The following PLEKHG1 variants were observed in gnomAD, a reference collection of about 807,000 sequenced individuals.
PLEKHG1 encodes the protein pleckstrin homology domain-containing family G member 1.
PLEKHG1 carries 44 observed loss-of-function variants against 100.8 expected under a neutral mutation model. The observed-to-expected ratio is 0.44, with a 90% CI of 0.34 to 0.56. The LOEUF is 0.56. Among genes scored for constraint, PLEKHG1 ranks in the 20% least tolerant of loss-of-function variants. The probability of loss-of-function intolerance (pLI) is 0.01; values close to 1 mark genes in which losing one functional copy is unlikely to be tolerated. For missense variants in PLEKHG1, 1,545 were observed against 1,720.9 expected, an observed-to-expected ratio of 0.90 and a Z score of 1.81; for synonymous variants, 640 against 662.5, an observed-to-expected ratio of 0.97 and a Z score of 0.52.
At chr6:150,639,583 G>A (rs1778163493) in intron 2 of PLEKHG1, among the ~76,000 whole-genome samples, 2 of 151,088 alleles carry the variant, frequency 1.3e-5, no homozygotes, top group South Asian at 4.2e-4. Context: ...TTTGCAGTTA[G>A]TATTTCAATG....
intron 8 of PLEKHG1, 46 bp from the exon 10 acceptor site, chr6:150,809,335 G>A (rs746661325): frequency 3.0e-5 from 48 of 1,610,922 alleles, no homozygotes; most frequent in Non-Finnish European, 3.9e-5. Flanking sequence ...CCCCAGTTCT[G>A]TTCCCTCCTG....
chr6:150,744,546 A>G (rs570049707), intron 2 of PLEKHG1, among the ~76,000 whole-genome samples: 2 of 152,218 alleles, frequency 1.3e-5, no homozygotes, highest in Non-Finnish European at 1.5e-5. Context: ...ATGCTTTTCC[A>G]TAAGAAATTG....
At chr6:150,799,902 C>T (rs1032213026) in intron 5 of PLEKHG1, among the ~76,000 whole-genome samples, 23 of 152,152 alleles carry the variant, frequency 1.5e-4, no homozygotes, top group African/African-American at 5.3e-4. Flanking sequence ...AATTTACACG[C>T]GTGTGACTGC....
intron 1 of PLEKHG1, among the ~76,000 whole-genome samples, chr6:150,617,906 C>G (rs9478771): frequency 0.1 from 15,944 of 152,160 alleles, 835 homozygotes; most frequent in African/African-American, 0.12. Flanking sequence ...CACAGGAGCA[C>G]TGGAAAGCTT....
intron 14 of PLEKHG1, chr6:150,827,574 C>T: frequency 1.5e-6 from 1 of 661,962 alleles, no homozygotes; most frequent in South Asian, 1.7e-5. Context: ...CTGTGCCTGG[C>T]CAAAACTGCT....
rs1476729917 is a variant in PLEKHG1 at position 150,831,363 on chromosome 6, C to T, written c.2252C>T (p.Pro751Leu). Reference sequence around the variant, plus strand: ...GACACCATAGGGCTCCCAGATCCTCCGTCGCTGGGTTTTAAGTGCAGCAGC... The same window carrying T: ...GACACCATAGGGCTCCCAGATCCTCTGTCGCTGGGTTTTAAGTGCAGCAGC... Residue 751 changes from proline to leucine, a missense_variant, in exon 15 of 16, where the codon CCG (proline) becomes CTG (leucine). Pro to Leu is a moderately conservative substitution (Grantham distance 98). Coordinates refer to ENST00000358517, the Ensembl canonical transcript of PLEKHG1. The surrounding 1 kb of genome is among the most constrained non-coding windows in gnomAD (Gnocchi z 4.1). The T allele has an allele frequency of 9.9e-6, 16 of 1,613,946 alleles. No homozygotes were observed. Among genetic ancestry groups the T allele is most frequent in the Admixed American group, 3.3e-5 (2 of 60,002 alleles).
intron 3 of PLEKHG1, among the ~76,000 whole-genome samples, chr6:150,697,108 A>AAG (rs1554260991): frequency 1.4e-5 from 2 of 147,230 alleles, no homozygotes; most frequent in Non-Finnish European, 3.0e-5. Context: ...AGAAAAAAAA[A>AAG]AAGAAGAAGA....
intron 3 of PLEKHG1, among the ~76,000 whole-genome samples, chr6:150,654,667 G>A (rs529567821): frequency 3.3e-5 from 5 of 152,344 alleles, no homozygotes; most frequent in East Asian, 1.9e-4. Context: ...AAACAACACC[G>A]CTCAGCCCTT....
At chr6:150,640,034 T>C (rs1778186920) in intron 2 of PLEKHG1, among the ~76,000 whole-genome samples, 1 of 152,262 alleles carries the variant, frequency 6.6e-6, no homozygotes, top group Non-Finnish European at 1.5e-5. Context: ...AGCTCCTTAA[T>C]AGCAGATCTT....
exon 15 of PLEKHG1, chr6:150,830,603 C>A: frequency 1.2e-6 from 2 of 1,602,876 alleles, no homozygotes; most frequent in Non-Finnish European, 1.7e-6. Flanking sequence ...GGAAGGATCT[C>A]CCCAGCTGTC....
At chr6:150,786,313 A>G in intron 3 of PLEKHG1, 77 bp from the exon 5 acceptor site, 1 of 951,508 alleles carries the variant, frequency 1.1e-6, no homozygotes, top group Non-Finnish European at 1.7e-6. Context: ...GGAAATGTTT[A>G]AACTTTTAAA....
rs549897529 is a variant in PLEKHG1, at chr6:150,683,990, G to A, written c.-99+33204G>A. 7.3e-4 allele frequency: 271 copies of A among 371,870 alleles called. No individual in the cohort carries two copies. Among genetic ancestry groups the A allele is most frequent in the South Asian group, 1.3e-3 (60 of 47,410 alleles). The allele number at this position is 371,870 out of a possible 1,614,324, so 23.0% of individuals were successfully genotyped here. On this transcript the variant is annotated intron_variant, in intron 3 of 3. Coordinates refer to the PLEKHG1 transcript ENST00000367326. The surrounding 1 kb of genome is among the most constrained non-coding windows in gnomAD (Gnocchi z 4.0). ...GATAAAAGTATCAGGCAGCCTCCTC[G>A]GGCGGAGACCGCAGGTAGATGTCCC...
At chr6:150,776,952 T>A (rs377024365) in intron 3 of PLEKHG1, among the ~76,000 whole-genome samples, 3 of 149,632 alleles carry the variant, frequency 2.0e-5, no homozygotes, top group African/African-American at 7.6e-5. Context: ...ACTGATGCAA[T>A]CCTGGTGCAC....
At chr6:150,699,682 C>T (rs555423166) in intron 3 of PLEKHG1, among the ~76,000 whole-genome samples, 11 of 152,222 alleles carry the variant, frequency 7.2e-5, no homozygotes, top group Non-Finnish European at 1.0e-4. Context: ...CAGAACACCC[C>T]GCGAGGCCAT....
At chr6:150,698,978 A>G (rs1486096321) in intron 3 of PLEKHG1, among the ~76,000 whole-genome samples, 1 of 152,214 alleles carries the variant, frequency 6.6e-6, no homozygotes, top group Non-Finnish European at 1.5e-5. Flanking sequence ...CATATTTCAA[A>G]GTAACATTAA....
chr6:150,757,331 G>T (rs914910862), intron 2 of PLEKHG1, among the ~76,000 whole-genome samples: 16 of 152,036 alleles, frequency 1.1e-4, no homozygotes, highest in Non-Finnish European at 1.8e-4. Context: ...GCCATTATTT[G>T]GTGTCCTTAT....
chr6:150,819,641 C>A, intron 11 of PLEKHG1, 38 bp from the exon 13 acceptor site: 2 of 1,117,054 alleles, frequency 1.8e-6, no homozygotes, highest in African/African-American at 1.5e-5. Context: ...AAGCCCCTGA[C>A]ACCACAGTCC....
Position 150,831,186 on chromosome 6 carries a change from G to A in PLEKHG1, c.2075G>A (p.Arg692His), listed in dbSNP as rs376749138. The A allele has an allele frequency of 7.4e-5, 120 of 1,614,098 alleles. No homozygotes were observed. The highest frequency in any genetic ancestry group is 1.6e-4 in the Middle Eastern group (1 of 6,062). The change falls in exon 15 of 16, where the codon CGC (arginine) becomes CAC (histidine). Residue 692 changes from arginine to histidine, a missense_variant. Physicochemically the swap from Arg to His is conservative, Grantham distance 29 (BLOSUM62 0). Coordinates refer to ENST00000358517, the Ensembl canonical transcript of PLEKHG1. The surrounding 1 kb of genome is among the most constrained non-coding windows in gnomAD (Gnocchi z 4.1). ...TCTAAATCAGCCAGGGACTCCGTTC[G>A]CCCCAAGAGCACCCCAGAGTTAGCC...
At chr6:150,611,538 G>A (rs769261613) in intron 1 of PLEKHG1, among the ~76,000 whole-genome samples, 2 of 152,206 alleles carry the variant, frequency 1.3e-5, no homozygotes, top group African/African-American at 2.4e-5. Flanking sequence ...GTGGCCGGGC[G>A]AGGTGGCTCA....
Sources: allele counts gnomAD v4.1 joint callset (sites outside exome capture counted in the v4.1 genomes callset), GRCh38; gene constraint gnomAD v4.1.1; non-coding constraint Gnocchi (gnomAD v3.1); transcripts MANE v1.5; gene names NCBI Gene and HGNC (gene_info 2026-07-23, HGNC 2026-07-21).